Variants in GAR1 observed in about 807,000 individuals in gnomAD.
GAR1 encodes H/ACA ribonucleoprotein complex subunit 1.
A neutral mutation model predicts 29.3 loss-of-function variants in GAR1; 11 were observed. The observed-to-expected ratio is 0.38, with a 90% CI of 0.24 to 0.62. GAR1 has a LOEUF of 0.62. Among genes scored for constraint, GAR1 ranks in the 20% least tolerant of loss-of-function variants. The probability of loss-of-function intolerance (pLI) is 0.62; values close to 1 mark genes in which losing one functional copy is unlikely to be tolerated. For missense variants in GAR1, 237 were observed against 268.4 expected, an observed-to-expected ratio of 0.88 and a Z score of 0.82; for synonymous variants, 87 against 93.3, an observed-to-expected ratio of 0.93 and a Z score of 0.39.
At position 109,816,317 on chromosome 4, in the gene GAR1, A is replaced by G; in HGVS notation, c.153A>G (p.Arg51=). ...FRGGGRGGFG[R]GGGRGGFNKG... Reference sequence around the variant, plus strand: ...GCGGCGGCAGGGGAGGATTTGGACGAGGGGGTGGCCGCGGAGGCTTTAACA... The same window carrying G: ...GCGGCGGCAGGGGAGGATTTGGACGGGGGGGTGGCCGCGGAGGCTTTAACA... The change falls in exon 2 of 7, where the codon CGA becomes CGG. Residue 51 remains arginine (R), a synonymous_variant. Coordinates refer to ENST00000226796, the MANE Select transcript of GAR1 (RefSeq NM_018983.4). 5 of 1,613,362 alleles carry G rather than the reference A, an allele frequency of 3.1e-6. No individual in the cohort carries two copies. The highest frequency in any genetic ancestry group is 4.2e-6 in the Non-Finnish European group (5 of 1,179,812).
intron 4 of GAR1, among the ~76,000 whole-genome samples, chr4:109,821,225 G>C (rs3775961): frequency 0.22 from 33,083 of 152,054 alleles, 4,457 homozygotes; most frequent in East Asian, 0.43. Context: ...TATTGAGCAC[G>C]TGAAGTGTGG....
At chr4:109,822,267 G>T in intron 4 of GAR1, 80 bp from the exon 5 acceptor site, 3 of 806,288 alleles carry the variant, frequency 3.7e-6, no homozygotes, top group Non-Finnish European at 3.9e-6. Context: ...AGGCAGTTTT[G>T]ACTCTATCAT....
chr4:109,822,999 A>T (rs1412796801), intron 5 of GAR1, among the ~76,000 whole-genome samples: 3 of 152,234 alleles, frequency 2.0e-5, no homozygotes, highest in Admixed American at 1.3e-4. Flanking sequence ...GTCAAGAACT[A>T]TTACTAATAA....
upstream of GAR1, chr4:109,815,657 C>CTT (rs11433030): frequency 1.1e-3 from 182 of 159,908 alleles, no homozygotes; most frequent in South Asian, 3.5e-3. Flanking sequence ...GGGTGATTGG[C>CTT]TTTTTTTTTT....
At chr4:109,820,002 A>T (rs746698643) in intron 4 of GAR1, among the ~76,000 whole-genome samples, 74 of 152,200 alleles carry the variant, frequency 4.9e-4, no homozygotes, top group Non-Finnish European at 8.5e-4. Flanking sequence ...GAATAATGGG[A>T]TAACACAGTT....
chr4:109,824,495 A>G lies in GAR1; in HGVS notation c.*64A>G, dbSNP rs772845541. 4 of 1,206,740 alleles carry G rather than the reference A, an allele frequency of 3.3e-6. No individual in the cohort carries two copies. Among genetic ancestry groups the G allele is most frequent in the African/African-American group, 1.5e-5 (1 of 66,788 alleles). 74.8% of individuals were successfully genotyped at this position (1,206,740 alleles called of 1,614,324 possible). On this transcript the variant is annotated 3_prime_UTR_variant, in exon 7 of 7. Coordinates refer to ENST00000226796, the MANE Select transcript of GAR1 (RefSeq NM_018983.4). ...TTAACCTGCATGATCTGTTTCTACT[A>G]TGGATTGGAAACTTGTTTCTTGAAC...
chr4:109,824,523 G>A lies in GAR1; in HGVS notation c.*92G>A. 1.1e-6 allele frequency: 1 copy of A among 938,818 alleles called. No individual in the cohort carries two copies. Among genetic ancestry groups the A allele is most frequent in the Non-Finnish European group, 1.7e-6 (1 of 574,714 alleles). 58.2% of individuals were successfully genotyped at this position (938,818 alleles called of 1,614,324 possible). Reference sequence around the variant, plus strand: ...GATTGGAAACTTGTTTCTTGAACAAGTCTTGAAGATCTTGGTCATTTTATG... The same window carrying A: ...GATTGGAAACTTGTTTCTTGAACAAATCTTGAAGATCTTGGTCATTTTATG... On this transcript the variant is annotated 3_prime_UTR_variant, in exon 7 of 7. Coordinates refer to ENST00000226796, the MANE Select transcript of GAR1 (RefSeq NM_018983.4).
intron 4 of GAR1, among the ~76,000 whole-genome samples, chr4:109,821,115 C>T (rs1183969595): frequency 1.3e-5 from 2 of 152,192 alleles, no homozygotes; most frequent in Admixed American, 1.3e-4. Flanking sequence ...CCTTACCCAG[C>T]CTGCGTTATT....
intron 4 of GAR1, among the ~76,000 whole-genome samples, chr4:109,819,922 G>T (rs990750177): frequency 3.3e-5 from 5 of 152,200 alleles, no homozygotes; most frequent in African/African-American, 1.2e-4. Flanking sequence ...GTAGGAGGGG[G>T]CTTGATTAAC....
chr4:109,824,306 G>T, intron 6 of GAR1, 112 bp from the exon 7 acceptor site: 2 of 736,748 alleles, frequency 2.7e-6, no homozygotes, highest in Non-Finnish European at 2.4e-6. Context: ...GGTAAAGTAT[G>T]TTTGCTAAAC....
intron 4 of GAR1, among the ~76,000 whole-genome samples, chr4:109,821,827 CAT>C (rs1358275942): frequency 7.2e-5 from 11 of 152,026 alleles, no homozygotes; most frequent in South Asian, 2.1e-4. Flanking sequence ...ATCACACAAA[CAT>C]GTGAGATAGA....
intron 4 of GAR1, among the ~76,000 whole-genome samples, chr4:109,820,955 C>T (rs1733497443): frequency 6.7e-6 from 1 of 150,150 alleles, no homozygotes. Context: ...TCATCAGAAT[C>T]CCTTAAATCA....
At chr4:109,818,405 C>A (rs1212478108) in intron 3 of GAR1, among the ~76,000 whole-genome samples, 1 of 151,830 alleles carries the variant, frequency 6.6e-6, no homozygotes, top group Non-Finnish European at 1.5e-5. Flanking sequence ...TGTTTGGTGC[C>A]CCCACTACTC....
chr4:109,824,102 TTAC>T, intron 6 of GAR1, 69 bp downstream of exon 6: 1 of 1,047,354 alleles, frequency 9.5e-7, no homozygotes, highest in Non-Finnish European at 1.5e-6. Flanking sequence ...TTTTCTGTTT[TTAC>T]TTAAGTTTAA....
At chr4:109,823,652 T>C (rs561397886) in intron 5 of GAR1, among the ~76,000 whole-genome samples, 2 of 152,318 alleles carry the variant, frequency 1.3e-5, no homozygotes, top group South Asian at 4.1e-4. Context: ...AAGCAAGAGC[T>C]AAGGCAATAG....
chr4:109,822,579 C>G, intron 5 of GAR1, 91 bp downstream of exon 5: 1 of 1,346,556 alleles, frequency 7.4e-7, no homozygotes, highest in Non-Finnish European at 9.8e-7. Flanking sequence ...CATAGCAAAC[C>G]TCCCTTATGG....
At chr4:109,823,402 T>C (rs997276606) in intron 5 of GAR1, among the ~76,000 whole-genome samples, 2 of 152,216 alleles carry the variant, frequency 1.3e-5, no homozygotes, top group African/African-American at 4.8e-5. Context: ...TCTTGAGAAT[T>C]TGATGAACAG....
chr4:109,817,977 T>C lies in GAR1; in HGVS notation c.256T>C (p.Cys86Arg). 6.2e-7 allele frequency: 1 copy of C among 1,609,668 alleles called. No homozygotes were observed. Among genetic ancestry groups the C allele is most frequent in the Non-Finnish European group, 8.5e-7 (1 of 1,177,256 alleles). ...FLHPCEDDIV[C>R]KCTTDENKVP... ...GCATCCCTGTGAAGATGACATAGTT[T>C]GTAAATGTACCACAGATGAAAATAA... The change falls in exon 3 of 7, where the codon TGT becomes CGT. Residue 86 changes from cysteine to arginine, a missense_variant. Transcript: ENST00000226796.
Position 109,817,857 on chromosome 4 carries a change from A to G in GAR1, c.215-79A>G. 5 of 1,248,572 alleles carry G rather than the reference A, an allele frequency of 4.0e-6. No individual in the cohort carries two copies. In the South Asian group the frequency reaches 6.6e-5, roughly 17 times the overall value. 77.3% of individuals were successfully genotyped at this position (1,248,572 alleles called of 1,614,324 possible). A position where few individuals can be genotyped will look rare whatever the true frequency, so the allele number is the denominator to read the frequency against. On this transcript the variant is annotated intron_variant, in intron 2 of 6. Coordinates refer to ENST00000226796, the MANE Select transcript of GAR1 (RefSeq NM_018983.4). ...GTTATGGTGAAGTCCCAGGTAGCCA[A>G]AAAGAAAGCTTCCAGAAGCAGTTGG...
Sources: allele counts gnomAD v4.1 joint callset (sites outside exome capture counted in the v4.1 genomes callset), GRCh38; gene constraint gnomAD v4.1.1; transcripts MANE v1.5; gene names NCBI Gene and HGNC (gene_info 2026-07-23, HGNC 2026-07-21).